TMEM260: variants seen among roughly 807,000 people sequenced by gnomAD.
TMEM260 encodes the protein protein O-mannosyl-transferase TMEM260.
A neutral mutation model predicts 88.9 loss-of-function variants in TMEM260; 82 were observed. The ratio of observed to expected loss-of-function variants is 0.92; its 90% confidence interval spans 0.77 to 1.11. The LOEUF (loss-of-function observed/expected upper bound fraction) is 1.11. Ranked by LOEUF, TMEM260 falls within the 50% of genes least tolerant of loss-of-function variation. The probability of loss-of-function intolerance (pLI) is 0.00; values close to 1 mark genes in which losing one functional copy is unlikely to be tolerated. For synonymous variants in TMEM260, 314 were observed against 309.3 expected (o/e 1.02, Z -0.16); for missense variants, 902 against 853.4 (o/e 1.06, Z -0.71).
At chr14:56,590,827 A>G (rs1885807725) in intron 3 of TMEM260, among the ~76,000 whole-genome samples, 1 of 152,206 alleles carries the variant, frequency 6.6e-6, no homozygotes, top group Non-Finnish European at 1.5e-5. Context: ...CTAATTTGCC[A>G]TGGAGCTTGG....
chr14:56,652,623 TAGTC>T (rs1354491038), downstream of TMEM260, among the ~76,000 whole-genome samples: 21 of 152,184 alleles, frequency 1.4e-4, no homozygotes, highest in African/African-American at 5.1e-4. Context: ...TAGGGTTCCT[TAGTC>T]TGACAGGTGA....
In TMEM260 at chr14:56,625,463, G is replaced by A; in HGVS notation, c.1480G>A (p.Val494Met). The A allele has an allele frequency of 6.2e-7, 1 of 1,613,518 alleles. No individual in the cohort carries two copies. Among genetic ancestry groups the A allele is most frequent in the Non-Finnish European group, 8.5e-7 (1 of 1,179,494 alleles). The change falls in exon 12 of 16, where the codon GTG becomes ATG. Residue 494 changes from valine to methionine, a missense_variant. Transcript: ENST00000261556. ...VNFPGNRWNP[V>M]EGILPSGMVT... ...CTTTCCTGGGAACCGGTGGAATCCT[G>A]TGGAAGGAATATTACCTAGTGGAAT...
chr14:56,657,934 T>C, the TMEM260 span, among the ~76,000 whole-genome samples: 3 of 152,162 alleles, frequency 2.0e-5, no homozygotes, highest in African/African-American at 4.8e-5. Flanking sequence ...CTCAGCAACA[T>C]TGGATTAAAA....
chr14:56,637,255 T>C (rs1267754735), intron 15 of TMEM260, among the ~76,000 whole-genome samples: 4 of 152,236 alleles, frequency 2.6e-5, no homozygotes, highest in Admixed American at 1.3e-4. Context: ...AAACAAGTTC[T>C]AGCTGGTTAC....
chr14:56,651,864 C>T (rs927025612), downstream of TMEM260, among the ~76,000 whole-genome samples: 1 of 152,170 alleles, frequency 6.6e-6, no homozygotes, highest in African/African-American at 2.4e-5. Context: ...AGTTCATAAA[C>T]GTTGCAAACT....
chr14:56,644,686 A>C (rs895136362), intron 15 of TMEM260, among the ~76,000 whole-genome samples: 1 of 152,238 alleles, frequency 6.6e-6, no homozygotes, highest in Non-Finnish European at 1.5e-5. Flanking sequence ...TCTGCACAGC[A>C]AAAGAAACTA....
intron 4 of TMEM260, among the ~76,000 whole-genome samples, chr14:56,604,829 A>AGT (rs901199732): frequency 2.0e-5 from 3 of 152,322 alleles, no homozygotes; most frequent in East Asian, 1.9e-4. Flanking sequence ...GCCAAGGAGC[A>AGT]GTGTGGGAGT....
At chr14:56,650,173 A>C, downstream of TMEM260, 1 of 443,696 alleles carries the variant, frequency 2.3e-6, no homozygotes, top group Admixed American at 2.5e-5. Flanking sequence ...AGATTTGGCC[A>C]GCGTTCTAGC....
the TMEM260 span, among the ~76,000 whole-genome samples, chr14:56,656,884 C>CA: frequency 6.6e-6 from 1 of 152,112 alleles, no homozygotes; most frequent in African/African-American, 2.4e-5. Context: ...AATCTGTGCA[C>CA]ACGCATGCAC....
intron 15 of TMEM260, among the ~76,000 whole-genome samples, chr14:56,642,026 C>A (rs1022935428): frequency 1.3e-5 from 2 of 152,158 alleles, no homozygotes; most frequent in Admixed American, 6.5e-5. Context: ...TAGTGACCTG[C>A]AAAGAGACTT....
At chr14:56,629,863 T>C (rs1375274952) in intron 12 of TMEM260, among the ~76,000 whole-genome samples, 3 of 152,074 alleles carry the variant, frequency 2.0e-5, no homozygotes, top group Non-Finnish European at 4.4e-5. Context: ...AGGGAGACCC[T>C]GTCGCTACAA....
At chr14:56,650,103 G>T, downstream of TMEM260, 1 of 455,636 alleles carries the variant, frequency 2.2e-6, no homozygotes, top group Non-Finnish European at 4.4e-6. Flanking sequence ...GATAAAAGGG[G>T]TTTCCTGTAG....
At chr14:56,655,191 A>T (rs1357909251), downstream of TMEM260, among the ~76,000 whole-genome samples, 1 of 152,118 alleles carries the variant, frequency 6.6e-6, no homozygotes, top group Non-Finnish European at 1.5e-5. Flanking sequence ...GGAGTTCGAG[A>T]CCAGCCTGGC....
In TMEM260 at chr14:56,617,255, G is replaced by T. The variant is rs1159540520; in HGVS notation, c.1014G>T (p.Trp338Cys). ...MFCIYSLFFA[W>C]RANLDISKPL... The stretch of plus-strand genomic sequence containing the variant: ...GCATTTATTCATTGTTCTTTGCTTG[G>T]AGAGCAAATTTAGATATTTCAAAAC... Residue 338 changes from tryptophan (W) to cysteine (C), a missense_variant, in exon 9 of 16, where the codon TGG becomes TGT. Trp to Cys is a radical substitution (Grantham distance 215). Coordinates refer to ENST00000261556, the MANE Select transcript of TMEM260 (RefSeq NM_017799.4). The T allele has an allele frequency of 1.9e-6, 3 of 1,602,978 alleles. No individual in the cohort carries two copies.
At chr14:56,649,834 G>A (rs1890166259), downstream of TMEM260, among the ~76,000 whole-genome samples, 1 of 152,180 alleles carries the variant, frequency 6.6e-6, no homozygotes, top group Non-Finnish European at 1.5e-5. Context: ...GTGTGCAACA[G>A]TGACTTTGGG....
intron 1 of TMEM260, among the ~76,000 whole-genome samples, chr14:56,582,756 G>C (rs1594803014): frequency 1.3e-5 from 2 of 152,114 alleles, no homozygotes; most frequent in South Asian, 4.1e-4. Context: ...GCCAAGACTC[G>C]GGAAGCTCGA....
chr14:56,633,269 T>A (rs1888763730), intron 13 of TMEM260, 98 bp downstream of exon 13: 1 of 928,348 alleles, frequency 1.1e-6, no homozygotes, highest in Non-Finnish European at 1.6e-6. Context: ...TTTTTTTTTT[T>A]ATTAATTGTT....
At chr14:56,629,381 C>A (rs921717382) in intron 12 of TMEM260, among the ~76,000 whole-genome samples, 4 of 150,370 alleles carry the variant, frequency 2.7e-5, no homozygotes, top group African/African-American at 9.8e-5. Flanking sequence ...AATGTGATAA[C>A]CTTACTGTCA....
At chr14:56,660,623 C>T in the TMEM260 span, among the ~76,000 whole-genome samples, 1 of 152,144 alleles carries the variant, frequency 6.6e-6, no homozygotes, top group African/African-American at 2.4e-5. Context: ...TCTGGAGGGG[C>T]TAACTGGTAA....
Sources: gnomAD v4.1 joint callset for allele counts (sites outside exome capture counted in the v4.1 genomes callset) on GRCh38, gnomAD v4.1.1 for gene constraint, MANE v1.5 for transcripts, NCBI Gene and HGNC (gene_info 2026-07-23, HGNC 2026-07-21) for gene names.